DOCK11: variants seen among roughly 807,000 people sequenced by gnomAD.
DOCK11 encodes the protein dedicator of cytokinesis 11.
DOCK11 carries 70 observed loss-of-function variants against 169.1 expected under a neutral mutation model. That is an observed-to-expected ratio of 0.41 (90% confidence interval 0.34 to 0.51). The LOEUF (loss-of-function observed/expected upper bound fraction) is 0.51, where lower values mean the gene tolerates loss of function less well. Among genes scored for constraint, DOCK11 ranks in the 20% least tolerant of loss-of-function variants. The pLI is 0.10. For missense variants in DOCK11, 1,166 were observed against 1,538.8 expected (o/e 0.76, Z 4.05); for synonymous variants, 529 against 541.3 (o/e 0.98, Z 0.32).
At chrX:118,590,388 C>T in intron 19 of DOCK11, 86 bp downstream of exon 19, 1 of 749,374 alleles carries the variant, frequency 1.3e-6, no homozygotes, top group Non-Finnish European at 2.0e-6. Context: ...TTTACCAGCA[C>T]TTTCAATCCC....
At chrX:118,556,237 G>T (rs1041640240) in intron 6 of DOCK11, among the ~76,000 whole-genome samples, 1 of 106,345 alleles carries the variant, frequency 9.4e-6, no homozygotes, top group Admixed American at 1.0e-4. Flanking sequence ...CAGAGATGGG[G>T]TTTCACCATG....
chrX:118,547,696 G>T (rs1011482102), intron 6 of DOCK11, among the ~76,000 whole-genome samples: 2 of 112,612 alleles, frequency 1.8e-5, no homozygotes, highest in Admixed American at 1.9e-4. Flanking sequence ...GCAGGCTGAT[G>T]TCAGAGCCTA....
chrX:118,527,398 T>C (rs1392116468), intron 1 of DOCK11, among the ~76,000 whole-genome samples: 2 of 112,216 alleles, frequency 1.8e-5, no homozygotes, highest in East Asian at 5.6e-4. Context: ...TCTCTTACTT[T>C]TGGAGCAACA....
intron 44 of DOCK11, among the ~76,000 whole-genome samples, chrX:118,660,038 C>T (rs188372568): frequency 8.9e-6 from 1 of 111,994 alleles, no homozygotes; most frequent in African/African-American, 3.2e-5. Context: ...TTTGTCTCTT[C>T]ACTCAAGTCT....
At chrX:118,542,524 G>A (rs763296610) in intron 1 of DOCK11, among the ~76,000 whole-genome samples, 3,914 of 108,138 alleles carry the variant, frequency 0.036, 54 homozygotes, top group Non-Finnish European at 0.043. Context: ...GTGTGTTTGT[G>A]TGTGTGTGTG....
intron 1 of DOCK11, among the ~76,000 whole-genome samples, chrX:118,505,797 C>T (rs1397522675): frequency 4.4e-5 from 5 of 112,484 alleles, no homozygotes; most frequent in African/African-American, 9.7e-5. Context: ...TGCCTTGGGC[C>T]GGAAGGCTCT....
chrX:118,578,679 A>T (rs1603083940), intron 13 of DOCK11, 32 bp downstream of exon 13: 1 of 1,166,660 alleles, frequency 8.6e-7, no homozygotes, highest in East Asian at 3.1e-5. Context: ...TCAACATTTC[A>T]CCTTAACGTA....
rs1569440740 is a variant in DOCK11 at position 118,647,814 on chromosome X, T to TATATTATAATATATATAATAATATATAA, written c.4399-1131_4399-1130insATATTATAATATATATAATAATATATAA. Among the ~76,000 whole-genome samples the TATATTATAATATATATAATAATATATAA allele has an allele frequency of 2.0e-4, 10 of 49,940 alleles. 2 individuals are homozygous for TATATTATAATATATATAATAATATATAA. Among genetic ancestry groups the TATATTATAATATATATAATAATATATAA allele is most frequent in the Admixed American group, 1.7e-3 (4 of 2,369 alleles). The allele number at this position is 49,940 out of a possible 115,157, so 43.4% of individuals were successfully genotyped here. A position where few individuals can be genotyped will look rare whatever the true frequency, so the allele number is the denominator to read the frequency against. On this transcript the variant is annotated intron_variant, in intron 40 of 52. Transcript: ENST00000276202. The stretch of plus-strand genomic sequence containing the variant: ...ATATTATAATATATAATAATATATA[T>TATATTATAATATATATAATAATATATAA]TATATTATTATAATATAATATTTAA...
At position 118,572,330 on chromosome X, in the gene DOCK11, A is replaced by T. The variant is rs771848119; in HGVS notation, c.1043A>T (p.Asp348Val). Residue 348 changes from aspartate to valine, a missense_variant, in exon 11 of 53, where the codon GAC becomes GTC. Asp to Val is a radical substitution (Grantham distance 152). Coordinates refer to ENST00000276202, the MANE Select transcript of DOCK11 (RefSeq NM_144658.4). ...ATACTATCTCTTTTATAGAGGTTGG[A>T]CTTTTCAGGAATTGAACCTGATATA... ...FSFDSEVQRL[D>V]FSGIEPDIKP... The T allele has an allele frequency of 8.4e-7, 1 of 1,188,158 alleles. No individual in the cohort carries two copies. The highest frequency in any genetic ancestry group is 1.8e-5 in the African/African-American group (1 of 56,865).
intron 30 of DOCK11, among the ~76,000 whole-genome samples, chrX:118,617,556 C>G (rs1249836573): frequency 9.1e-6 from 1 of 109,297 alleles, no homozygotes; most frequent in African/African-American, 3.3e-5. Context: ...CAAGTCCCAA[C>G]CATGATATTA....
In DOCK11 at chrX:118,630,375, A is replaced by G. The variant is rs1400830678; in HGVS notation, c.3775-4A>G. ...ACTATTTCACGAACATCCTGTCCTT[A>G]CAGACCCGACAGAGTTCTACAAGGA... On this transcript the variant is annotated splice_polypyrimidine_tract_variant and splice_region_variant and intron_variant, in intron 34 of 52. Transcript: ENST00000276202. 8.6e-7 allele frequency: 1 copy of G among 1,168,605 alleles called. No individual in the cohort carries two copies. The highest frequency in any genetic ancestry group is 1.8e-5 in the African/African-American group (1 of 56,573).
intron 24 of DOCK11, among the ~76,000 whole-genome samples, chrX:118,607,439 T>TTTTAG (rs2014557014): frequency 2.2e-5 from 2 of 92,506 alleles, no homozygotes; most frequent in Non-Finnish European, 4.3e-5. Context: ...TTTTTTTTTT[T>TTTTAG]GAGACAGAGT....
chrX:118,590,706 C>T (rs1324069854), intron 19 of DOCK11, among the ~76,000 whole-genome samples: 2 of 112,047 alleles, frequency 1.8e-5, no homozygotes, highest in Non-Finnish European at 3.8e-5. Flanking sequence ...TATGGTTTTA[C>T]ACAGTAGGGT....
rs200428316 is a variant in DOCK11, at chrX:118,522,789, TCA to T, written c.103-19933_103-19932del. 6.7e-3 allele frequency among the ~76,000 whole-genome samples: 756 copies of T among 112,037 alleles called. 9 individuals are homozygous for T. The highest frequency in any genetic ancestry group is 0.023 in the African/African-American group (704 of 30,869). On this transcript the variant is annotated intron_variant, in intron 1 of 52. Coordinates refer to ENST00000276202, the MANE Select transcript of DOCK11 (RefSeq NM_144658.4). The stretch of plus-strand genomic sequence containing the variant: ...TGGAATCCTCTCTGTTTTGATTAAC[TCA>T]CAGTCAGTTGATTCCTGACCTAATC...
At chrX:118,552,555 C>T (rs1162991314) in intron 6 of DOCK11, among the ~76,000 whole-genome samples, 2 of 112,513 alleles carry the variant, frequency 1.8e-5, no homozygotes, top group Non-Finnish European at 3.8e-5. Flanking sequence ...CATATTTTCC[C>T]AGAAGTGCTT....
chrX:118,617,781 G>A (rs2014862598), intron 30 of DOCK11, among the ~76,000 whole-genome samples: 1 of 110,790 alleles, frequency 9.0e-6, no homozygotes, highest in African/African-American at 3.3e-5. Flanking sequence ...TACTTCAGAG[G>A]CTGAGGCAGG....
intron 30 of DOCK11, among the ~76,000 whole-genome samples, chrX:118,617,652 G>A (rs2014857485): frequency 9.0e-6 from 1 of 110,658 alleles, no homozygotes; most frequent in Non-Finnish European, 1.9e-5. Context: ...GGCCAAGGCA[G>A]GCAGATCACC....
chrX:118,635,927 T>A (rs1224858990), intron 35 of DOCK11, among the ~76,000 whole-genome samples: 1 of 111,532 alleles, frequency 9.0e-6, no homozygotes, highest in Non-Finnish European at 1.9e-5. Context: ...CACAGAGCCC[T>A]CTGAGTAGCA....
chrX:118,676,015 T>C lies in DOCK11; in HGVS notation c.5279T>C (p.Leu1760Ser). 1 of 1,201,141 alleles carries C rather than the reference T, an allele frequency of 8.3e-7. No individual in the cohort carries two copies. ...GTTATGCATACAAAAAAGAGACTTT[T>C]AGGCACTTTCTTCAGAGTTGCCTTT... Reference protein sequence around the residue: ...LEVMHTKKRLLGTFFRVAFYG... With the variant: ...LEVMHTKKRLSGTFFRVAFYG... The change falls in exon 47 of 53, where the codon TTA becomes TCA. Residue 1760 changes from leucine (L) to serine (S), a missense_variant. Leu to Ser is a moderately radical substitution (Grantham distance 145, BLOSUM62 -2). Coordinates refer to ENST00000276202, the MANE Select transcript of DOCK11 (RefSeq NM_144658.4).
Sources: gnomAD v4.1 joint callset for allele counts (sites outside exome capture counted in the v4.1 genomes callset) on GRCh38, gnomAD v4.1.1 for gene constraint, MANE v1.5 for transcripts, NCBI Gene and HGNC (gene_info 2026-07-23, HGNC 2026-07-21) for gene names.